SUCLA2: variants seen among roughly 807,000 people sequenced by gnomAD.
SUCLA2 encodes succinate--CoA ligase [ADP-forming] subunit beta, mitochondrial.
In SUCLA2, 30 loss-of-function variants were observed where a neutral mutation model predicts 54.8. The observed-to-expected ratio is 0.55, with a 90% CI of 0.41 to 0.74. The LOEUF is 0.74. SUCLA2 is among the 30% of genes least tolerant of loss of function. SUCLA2 has a pLI of 0.00. For synonymous variants in SUCLA2, 172 were observed against 188.9 expected (o/e 0.91, Z 0.74); for missense variants, 476 against 562.9 (o/e 0.85, Z 1.56).
chr13:47,993,998 C>A (rs1447299648), intron 2 of SUCLA2, among the ~76,000 whole-genome samples: 1 of 148,268 alleles, frequency 6.7e-6, no homozygotes, highest in Admixed American at 6.9e-5. Context: ...GCGGAGGTTG[C>A]GGTGAGCTGA....
rs532581297 is a variant in SUCLA2 at position 47,973,766 on chromosome 13, A to G, written c.535-374T>C. Among the ~76,000 whole-genome samples, 8 of 152,308 alleles carry G rather than the reference A, an allele frequency of 5.3e-5. No homozygotes were observed. In the East Asian group the frequency reaches 1.4e-3, roughly 26 times the overall value. On this transcript the variant is annotated intron_variant, in intron 4 of 10. Transcript: ENST00000646932. ...TGGAATACTATGCAGCCATAAAAAA[A>G]GAATGTGTTCATGTCCTTTGCAGGG...
In SUCLA2 at chr13:47,943,101, T is replaced by G; in HGVS notation, c.*270A>C. ...AACTTTGTATCCAACAATAATAAACTGGCAAATTGCAAGTTACGTTTTGTA... is the reference window on the plus strand; with the variant it reads ...AACTTTGTATCCAACAATAATAAACGGGCAAATTGCAAGTTACGTTTTGTA... On this transcript the variant is annotated 3_prime_UTR_variant, in exon 11 of 11. Coordinates refer to ENST00000646932, the MANE Select transcript of SUCLA2 (RefSeq NM_003850.3). 2.3e-6 allele frequency: 1 copy of G among 430,632 alleles called. No individual in the cohort carries two copies. Among genetic ancestry groups the G allele is most frequent in the Non-Finnish European group, 4.2e-6 (1 of 235,336 alleles). The allele number at this position is 430,632 out of a possible 1,614,324, so 26.7% of individuals were successfully genotyped here. A position where few individuals can be genotyped will look rare whatever the true frequency, so the allele number is the denominator to read the frequency against.
intron 5 of SUCLA2, among the ~76,000 whole-genome samples, chr13:47,971,141 G>A (rs949083183): frequency 2.0e-5 from 3 of 152,144 alleles, no homozygotes; most frequent in Non-Finnish European, 4.4e-5. Flanking sequence ...GGCCAGGCGC[G>A]GCGGCTCACA....
At chr13:47,949,909 C>T (rs1949762962) in intron 8 of SUCLA2, among the ~76,000 whole-genome samples, 1 of 152,314 alleles carries the variant, frequency 6.6e-6, no homozygotes, top group Non-Finnish European at 1.5e-5. Context: ...CATTCACCAA[C>T]GTGACTACCC....
At chr13:47,987,900 G>C in intron 4 of SUCLA2, 1 of 151,980 alleles carries the variant, frequency 6.6e-6, no homozygotes, top group East Asian at 1.9e-4. Context: ...GATAATTCTA[G>C]TATAAAATGA....
At chr13:47,949,388 A>G in intron 9 of SUCLA2, 95 bp downstream of exon 9, 1 of 1,386,622 alleles carries the variant, frequency 7.2e-7, no homozygotes, top group Non-Finnish European at 1.0e-6. Flanking sequence ...TCAAAGACAC[A>G]GCTATTTAAA....
At chr13:47,972,955 T>C (rs1400108665) in intron 5 of SUCLA2, among the ~76,000 whole-genome samples, 3 of 151,804 alleles carry the variant, frequency 2.0e-5, no homozygotes, top group Admixed American at 2.0e-4. Context: ...TTTCACCATA[T>C]TGGCCAGGCT....
chr13:47,981,747 C>T lies in SUCLA2; in HGVS notation c.534+6794G>A, dbSNP rs543487406. Among the ~76,000 whole-genome samples, 10 of 152,262 alleles carry T rather than the reference C, an allele frequency of 6.6e-5. No individual in the cohort carries two copies. The South Asian group carries it at 1.0e-3, about 16-fold the overall frequency. ...AGAAGAATCACTTGAACCCAGGAGG[C>T]GGAGGTTGTGAGCCGAGATCGCACC... On this transcript the variant is annotated intron_variant, in intron 4 of 10. Coordinates refer to ENST00000646932, the MANE Select transcript of SUCLA2 (RefSeq NM_003850.3).
intron 1 of SUCLA2, among the ~76,000 whole-genome samples, chr13:47,999,012 C>A (rs942176523): frequency 6.6e-6 from 1 of 152,030 alleles, no homozygotes; most frequent in Non-Finnish European, 1.5e-5. Flanking sequence ...GGGCTAGGGA[C>A]ACTAAAAAAA....
intron 8 of SUCLA2, among the ~76,000 whole-genome samples, chr13:47,950,360 T>C (rs140170828): frequency 5.3e-5 from 8 of 152,322 alleles, no homozygotes; most frequent in African/African-American, 1.9e-4. Flanking sequence ...TAAGTCCCTA[T>C]ATAAATTTAG....
intron 6 of SUCLA2, chr13:47,965,491 CT>C (rs763506432): frequency 2.9e-4 from 74 of 257,326 alleles, no homozygotes; most frequent in Non-Finnish European, 3.5e-4. Flanking sequence ...ATGACCCCTT[CT>C]TTAAAAAAAA....
In SUCLA2 at chr13:47,985,754, G is replaced by A. The variant is rs189246418; in HGVS notation, c.534+2787C>T. Among the ~76,000 whole-genome samples, 13 of 152,324 alleles carry A rather than the reference G, an allele frequency of 8.5e-5. No homozygotes were observed. The East Asian group carries it at 2.1e-3, about 25-fold the overall frequency. On this transcript the variant is annotated intron_variant, in intron 4 of 10. Transcript: ENST00000646932. ...TTATATTCTTTTGGGTATATACCCA[G>A]TAGTGGGATTGCTGGGTCAAATAGT...
chr13:47,966,153 G>T (rs1157116495), intron 6 of SUCLA2, among the ~76,000 whole-genome samples: 1 of 152,148 alleles, frequency 6.6e-6, no homozygotes, highest in Non-Finnish European at 1.5e-5. Flanking sequence ...ACAAATGCAT[G>T]TGTACACAGA....
At position 47,994,812 on chromosome 13, in the gene SUCLA2, A is replaced by G. The variant is rs924698876; in HGVS notation, c.271+2031T>C. The G allele has an allele frequency of 4.1e-6, 4 of 985,174 alleles. No individual in the cohort carries two copies. In the African/African-American group the frequency reaches 5.2e-5, roughly 13 times the overall value. 61.0% of individuals were successfully genotyped at this position (985,174 alleles called of 1,614,324 possible). On this transcript the variant is annotated intron_variant, in intron 2 of 10. Transcript: ENST00000646932. ...CAGAGCTGCCTACCTGCTTCTTATT[A>G]CTTGTGAGTTCTGGTCCCAGAGAAC...
intron 6 of SUCLA2, among the ~76,000 whole-genome samples, chr13:47,959,149 CAA>C (rs762471838): frequency 1.6e-3 from 246 of 151,656 alleles, no homozygotes; most frequent in Non-Finnish European, 3.0e-3. Flanking sequence ...AAATGTGCCC[CAA>C]AAAATGTTAT....
At chr13:47,965,506 A>C in intron 6 of SUCLA2, 2 of 385,026 alleles carry the variant, frequency 5.2e-6, no homozygotes, top group Non-Finnish European at 4.5e-6. Context: ...AAAAAAAAAA[A>C]ACAAACAAAC....
intron 3 of SUCLA2, 34 bp downstream of exon 3, chr13:47,988,848 C>T: frequency 1.3e-6 from 2 of 1,598,310 alleles, no homozygotes; most frequent in Middle Eastern, 2.2e-4. Context: ...CAGTCTTTAA[C>T]AAGGATGATT....
Position 47,996,830 on chromosome 13 carries a change from C to T in SUCLA2, c.271+13G>A. ...TCATGTCAAGGTGGCAAAAGCTTTTCTTAATTTAGTACCTAATTTTTTGGC... is the reference window on the plus strand; with the variant it reads ...TCATGTCAAGGTGGCAAAAGCTTTTTTTAATTTAGTACCTAATTTTTTGGC... On this transcript the variant is annotated intron_variant, in intron 2 of 10. Coordinates refer to ENST00000646932, the MANE Select transcript of SUCLA2 (RefSeq NM_003850.3). The T allele has an allele frequency of 2.5e-6, 4 of 1,612,226 alleles. No individual in the cohort carries two copies. Among genetic ancestry groups the T allele is most frequent in the Non-Finnish European group, 3.4e-6 (4 of 1,179,724 alleles).
chr13:47,963,058 A>C (rs1949884365), intron 6 of SUCLA2, among the ~76,000 whole-genome samples: 1 of 13,232 alleles, frequency 7.6e-5, no homozygotes, highest in Non-Finnish European at 4.0e-4. Context: ...GGTTTTAGTC[A>C]GTCAGGGAGA....
Sources: allele counts gnomAD v4.1 joint callset (sites outside exome capture counted in the v4.1 genomes callset), GRCh38; gene constraint gnomAD v4.1.1; transcripts MANE v1.5; gene names NCBI Gene and HGNC (gene_info 2026-07-23, HGNC 2026-07-21).